Variants in NINL observed in about 807,000 individuals in gnomAD.
The protein encoded by NINL is ninein-like protein.
In NINL, 153 loss-of-function variants were observed where a neutral mutation model predicts 160.3. The observed-to-expected ratio is 0.95, with a 90% CI of 0.84 to 1.09. The LOEUF (loss-of-function observed/expected upper bound fraction) is 1.09, where lower values mean the gene tolerates loss of function less well. Ranked by LOEUF, NINL falls within the 50% of genes least tolerant of loss-of-function variation. NINL has a pLI of 0.00. For missense variants in NINL, 1,829 were observed against 1,764.0 expected, an observed-to-expected ratio of 1.04 and a Z score of -0.66; for synonymous variants, 800 against 734.8, an observed-to-expected ratio of 1.09 and a Z score of -1.43.
intron 3 of NINL, among the ~76,000 whole-genome samples, chr20:25,516,150 C>T (rs1354936488): frequency 3.3e-5 from 5 of 152,140 alleles, no homozygotes; most frequent in African/African-American, 9.7e-5. Flanking sequence ...TGAAGACGTG[C>T]CTGCTTCCCC....
In NINL at chr20:25,541,059, A is replaced by T. The variant is rs539465054; in HGVS notation, c.-11-14461T>A. On this transcript the variant is annotated intron_variant, in intron 1 of 23. Coordinates refer to ENST00000278886, the MANE Select transcript of NINL (RefSeq NM_025176.6). Reference sequence around the variant, plus strand: ...CTTTCCCTACAAAGTAGATTTTTAGACTAAAAACTACAAAGATACCAAATG... The same window carrying T: ...CTTTCCCTACAAAGTAGATTTTTAGTCTAAAAACTACAAAGATACCAAATG... 4.6e-5 allele frequency among the ~76,000 whole-genome samples: 7 copies of T among 152,206 alleles called. No individual in the cohort carries two copies. In the South Asian group the frequency reaches 1.5e-3, roughly 32 times the overall value.
At chr20:25,571,263 G>A (rs1394323964) in intron 1 of NINL, among the ~76,000 whole-genome samples, 1 of 152,176 alleles carries the variant, frequency 6.6e-6, no homozygotes, top group Non-Finnish European at 1.5e-5. Context: ...CCACAGTACT[G>A]CTCATCATTA....
chr20:25,499,056 C>T, intron 8 of NINL: 1 of 985,492 alleles, frequency 1.0e-6, no homozygotes, highest in Non-Finnish European at 1.2e-6. Context: ...AAACGCCCTG[C>T]TCAGGCCGGC....
rs371823798 is a variant in NINL, at chr20:25,462,337, G to C, written c.3582+46C>G. 7.1e-6 allele frequency: 9 copies of C among 1,265,448 alleles called. No individual in the cohort carries two copies. In the African/African-American group the frequency reaches 1.6e-4, roughly 23 times the overall value. The allele number at this position is 1,265,448 out of a possible 1,614,324, so 78.4% of individuals were successfully genotyped here. On this transcript the variant is annotated intron_variant, in intron 20 of 23. Coordinates refer to ENST00000278886, the MANE Select transcript of NINL (RefSeq NM_025176.6). ...CTATTTGCAGCCGCCTCCCCACCCT[G>C]AGCTCCCAGCCTCCAGCTCAGCTCC...
At chr20:25,529,957 G>T (rs2064428451) in intron 1 of NINL, among the ~76,000 whole-genome samples, 1 of 152,230 alleles carries the variant, frequency 6.6e-6, no homozygotes, top group Admixed American at 6.5e-5. Flanking sequence ...CAGGCAAAGG[G>T]GAGCAGGATG....
chr20:25,474,181 G>C (rs540919929), intron 17 of NINL, among the ~76,000 whole-genome samples: 1 of 152,198 alleles, frequency 6.6e-6, no homozygotes, highest in Non-Finnish European at 1.5e-5. Context: ...AGGAGGACTC[G>C]GCCATCCAGG....
intron 7 of NINL, among the ~76,000 whole-genome samples, chr20:25,503,202 C>T (rs2063900734): frequency 6.6e-6 from 1 of 151,100 alleles, no homozygotes; most frequent in South Asian, 2.1e-4. Flanking sequence ...CCTGTAACCC[C>T]AGCAGGTGGG....
intron 22 of NINL, among the ~76,000 whole-genome samples, chr20:25,456,374 C>T (rs2090679851): frequency 6.7e-6 from 1 of 149,752 alleles, no homozygotes; most frequent in Non-Finnish European, 1.5e-5. Flanking sequence ...ACAGTGAAAC[C>T]CTATCTCTAC....
At position 25,455,777 on chromosome 20, in the gene NINL, C is replaced by A. The variant is rs916787774; in HGVS notation, c.3853G>T (p.Glu1285Ter). ...TCTTCTGTGGCTTTCAGCTGTTTCT[C>A]ATGTTCTTCCTGCCATAAAAGAAGG... ...RRLDAQREEHEKQLKATEERV... is the reference protein window; with the variant it reads ...RRLDAQREEH Residue 1285 changes from glutamate (E) to a stop codon, truncating the protein, a stop_gained, in exon 23 of 24, where the codon GAG becomes TAG. Coordinates refer to ENST00000278886, the MANE Select transcript of NINL (RefSeq NM_025176.6). LOFTEE classifies it high-confidence loss of function. The A allele has an allele frequency of 2.5e-6, 4 of 1,613,896 alleles. No individual in the cohort carries two copies. The highest frequency in any genetic ancestry group is 1.7e-5 in the Admixed American group (1 of 60,002).
At chr20:25,547,134 TTC>T (rs1359483913) in intron 1 of NINL, among the ~76,000 whole-genome samples, 1 of 152,154 alleles carries the variant, frequency 6.6e-6, no homozygotes, top group African/African-American at 2.4e-5. Context: ...TAATAGGGAA[TTC>T]TGTTATTCAT....
Position 25,508,111 on chromosome 20 carries a change from AG to A in NINL, c.517+2562del, listed in dbSNP as rs1383129785. Among the ~76,000 whole-genome samples the A allele has an allele frequency of 2.6e-5, 4 of 152,358 alleles. No homozygotes were observed. The South Asian group carries it at 6.2e-4, about 24-fold the overall frequency. On this transcript the variant is annotated intron_variant, in intron 5 of 23. Transcript: ENST00000278886. ...CACGGCAGCTTGGCTGACTTTTCTC[AG>A]CACACAGGAATCTGCCTGCTTTGTC...
intron 1 of NINL, among the ~76,000 whole-genome samples, chr20:25,529,950 G>A (rs965780012): frequency 3.3e-5 from 5 of 152,228 alleles, no homozygotes; most frequent in Admixed American, 3.3e-4. Flanking sequence ...AGGACCCCAG[G>A]CAAAGGGGAG....
intron 1 of NINL, among the ~76,000 whole-genome samples, chr20:25,571,250 T>C (rs1381196213): frequency 6.6e-6 from 1 of 152,200 alleles, no homozygotes; most frequent in Middle Eastern, 3.2e-3. Context: ...GCAGGTTTCA[T>C]AGCCACAGTA....
chr20:25,472,323 G>GTATATATA (rs1568859320), intron 17 of NINL, among the ~76,000 whole-genome samples: 10 of 54,624 alleles, frequency 1.8e-4, no homozygotes, highest in African/African-American at 4.0e-4. Flanking sequence ...TGGGAGGAGA[G>GTATATATA]GATATATATA....
rs73335318 is a variant in NINL at position 25,469,678 on chromosome 20, C to T, written c.3353+313G>A. Among the ~76,000 whole-genome samples the T allele has an allele frequency of 6.5e-3, 996 of 152,278 alleles. 16 individuals are homozygous for T. Among genetic ancestry groups the T allele is most frequent in the African/African-American group, 0.023 (954 of 41,562 alleles). ...TCCCCCAACCCCTAAGTGCGACGTG[C>T]ATCATCTCTGTGGGGTGAACGGCGC... On this transcript the variant is annotated intron_variant, in intron 18 of 23. Coordinates refer to ENST00000278886, the MANE Select transcript of NINL (RefSeq NM_025176.6).
At chr20:25,524,359 T>G (rs2064316400) in intron 2 of NINL, among the ~76,000 whole-genome samples, 2 of 152,208 alleles carry the variant, frequency 1.3e-5, no homozygotes, top group Admixed American at 6.5e-5. Context: ...AAGTGACTTC[T>G]TAGTTTATCT....
intron 2 of NINL, among the ~76,000 whole-genome samples, chr20:25,523,177 T>C (rs531162410): frequency 6.6e-6 from 1 of 152,288 alleles, no homozygotes; most frequent in African/African-American, 2.4e-5. Flanking sequence ...AAAAGGTCCA[T>C]ACCTGTTCAA....
intron 16 of NINL, among the ~76,000 whole-genome samples, chr20:25,477,569 C>T (rs1159539542): frequency 6.6e-6 from 1 of 152,216 alleles, no homozygotes; most frequent in East Asian, 1.9e-4. Flanking sequence ...CAGGAGAGTC[C>T]AGTGGAAGTG....
At chr20:25,492,920 G>A (rs113140458) in intron 10 of NINL, among the ~76,000 whole-genome samples, 1 of 151,972 alleles carries the variant, frequency 6.6e-6, no homozygotes, top group Non-Finnish European at 1.5e-5. Flanking sequence ...TTATAATAAG[G>A]AAAACCTAAT....
Sources: gnomAD v4.1 joint callset for allele counts (sites outside exome capture counted in the v4.1 genomes callset) on GRCh38, gnomAD v4.1.1 for gene constraint, MANE v1.5 for transcripts, NCBI Gene and HGNC (gene_info 2026-07-23, HGNC 2026-07-21) for gene names.